The following CYLC2 variants were observed in gnomAD, a reference collection of about 807,000 sequenced individuals.
The protein encoded by CYLC2 is cylicin 2, also known as cylicin-2.
Under a neutral mutation model 26.1 loss-of-function variants are expected in CYLC2, and 30 were observed. That is an observed-to-expected ratio of 1.15 (90% CI 0.86 to 1.56). CYLC2 has a LOEUF of 1.56. CYLC2 is among the 40% of genes most tolerant of loss of function. CYLC2 has a pLI of 0.00. For synonymous variants in CYLC2, 158 were observed against 132.8 expected (o/e 1.19, Z -1.31); for missense variants, 498 against 394.4 (o/e 1.26, Z -2.23).
In CYLC2 at chr9:103,014,285, TATAC is replaced by T. The variant is rs1829461220; in HGVS notation, c.*816+2192_*816+2195del. ...ATATTACATTAAATATATTACATAG[TATAC>T]ATAATATTACATATATATTACATTG... On this transcript the variant is annotated intron_variant, in intron 6 of 7. Transcript: ENST00000374798. Among the ~76,000 whole-genome samples, 3 of 131,872 alleles carry T rather than the reference TATAC, an allele frequency of 2.3e-5. No homozygotes were observed. The Admixed American group carries it at 2.5e-4, about 11-fold the overall frequency. 86.5% of individuals were successfully genotyped at this position (131,872 alleles called of 152,430 possible).
chr9:103,014,753 C>CATAAT (rs542979179), intron 6 of CYLC2, among the ~76,000 whole-genome samples: 3 of 26,130 alleles, frequency 1.1e-4, no homozygotes, highest in Non-Finnish European at 2.1e-4. Flanking sequence ...ATGCAATATA[C>CATAAT]ATATGTAATA....
chr9:103,008,906 C>G (rs903852053), intron 5 of CYLC2, among the ~76,000 whole-genome samples: 1 of 152,102 alleles, frequency 6.6e-6, no homozygotes, highest in Non-Finnish European at 1.5e-5. Context: ...TTGGTCAAAG[C>G]TTTCTAGTGT....
intron 5 of CYLC2, among the ~76,000 whole-genome samples, chr9:103,011,146 A>G (rs948852088): frequency 6.6e-6 from 1 of 152,126 alleles, no homozygotes; most frequent in Non-Finnish European, 1.5e-5. Flanking sequence ...TTGAAACAGT[A>G]CATACATGCA....
chr9:103,013,401 A>T (rs1439208233), intron 6 of CYLC2, among the ~76,000 whole-genome samples: 16 of 107,414 alleles, frequency 1.5e-4, no homozygotes, highest in African/African-American at 6.2e-4. Context: ...TATTATATAA[A>T]TATATATTTA....
intron 1 of CYLC2, among the ~76,000 whole-genome samples, chr9:102,997,684 C>G (rs911320175): frequency 6.6e-6 from 1 of 151,924 alleles, no homozygotes; most frequent in African/African-American, 2.4e-5. Context: ...ATGAACAACT[C>G]ACATGTAACT....
At chr9:103,014,762 TATACGTATGTATATTATGCAATATAC>T (rs1249630455) in intron 6 of CYLC2, among the ~76,000 whole-genome samples, 18 of 21,020 alleles carry the variant, frequency 8.6e-4, no homozygotes, top group East Asian at 0.083. Context: ...ACATATGTAA[TATACGTATGTATATTATGCAATATAC>T]ATATGTAATA....
intron 5 of CYLC2, among the ~76,000 whole-genome samples, chr9:103,009,766 A>C (rs911907620): frequency 1.3e-4 from 20 of 151,866 alleles, no homozygotes; most frequent in African/African-American, 4.4e-4. Context: ...CTACCTCTAT[A>C]GTTTGTTTTA....
Position 103,005,096 on chromosome 9 carries a change from A to G in CYLC2, c.465A>G (p.Leu155=). Residue 155 remains leucine (L), a synonymous_variant, in exon 5 of 8, where the codon CTA becomes CTG. Coordinates refer to ENST00000374798, the MANE Select transcript of CYLC2 (RefSeq NM_001340.5). ...TAGAGAAAGGAAAAGAAGAAAAGCT[A>G]GATGCAAAGAAAGATAGCAAAAAAG... ...KDIEKGKEEK[L]DAKKDSKKGK... is the part of the protein sequence containing the mutation. 6.2e-7 allele frequency: 1 copy of G among 1,606,816 alleles called. No homozygotes were observed. Among genetic ancestry groups the G allele is most frequent in the Non-Finnish European group, 8.5e-7 (1 of 1,177,126 alleles).
chr9:103,005,396 T>G lies in CYLC2; in HGVS notation c.765T>G (p.Asp255Glu). ...EDGKKDANKGDESKDAKKDAK... is the reference protein window; with the variant it reads ...EDGKKDANKGEESKDAKKDAK... ...GAAAAAAAGATGCAAACAAAGGTGATGAATCGAAGGATGCCAAGAAAGATG... is the reference window on the plus strand; with the variant it reads ...GAAAAAAAGATGCAAACAAAGGTGAGGAATCGAAGGATGCCAAGAAAGATG... The change falls in exon 5 of 8, where the codon GAT becomes GAG. Residue 255 changes from aspartate (D) to glutamate (E), a missense_variant. By Grantham distance (45) the Asp-to-Glu change is conservative (BLOSUM62 2). Transcript: ENST00000374798. 4.3e-6 allele frequency: 7 copies of G among 1,613,824 alleles called. No individual in the cohort carries two copies. The highest frequency in any genetic ancestry group is 5.9e-6 in the Non-Finnish European group (7 of 1,179,952).
chr9:102,999,329 C>T (rs1471396759), intron 1 of CYLC2, among the ~76,000 whole-genome samples: 1 of 151,794 alleles, frequency 6.6e-6, no homozygotes, highest in Non-Finnish European at 1.5e-5. Flanking sequence ...TCATTAAACT[C>T]TGTATCATAT....
chr9:102,995,950 A>T (rs1034837868), intron 1 of CYLC2, among the ~76,000 whole-genome samples: 3 of 151,922 alleles, frequency 2.0e-5, no homozygotes, highest in African/African-American at 7.2e-5. Flanking sequence ...ATGAGAAGTT[A>T]TATGACAGTA....
intron 5 of CYLC2, among the ~76,000 whole-genome samples, chr9:103,008,545 G>C (rs918024588): frequency 1.3e-5 from 2 of 151,892 alleles, no homozygotes; most frequent in African/African-American, 4.8e-5. Context: ...ATCCCAAAGA[G>C]AACTGTTGAC....
chr9:103,004,029 A>T (rs1386651942), intron 3 of CYLC2, among the ~76,000 whole-genome samples: 6 of 152,000 alleles, frequency 3.9e-5, no homozygotes, highest in Non-Finnish European at 8.8e-5. Context: ...TGCTGAATTT[A>T]TTTTTCCATT....
intron 2 of CYLC2, among the ~76,000 whole-genome samples, chr9:103,002,691 G>C (rs1829301187): frequency 1.3e-5 from 2 of 152,040 alleles, no homozygotes; most frequent in South Asian, 4.1e-4. Context: ...TACTAACTAA[G>C]GGGATCTTAA....
Position 103,011,981 on chromosome 9 carries a change from G to A in CYLC2, c.*701-1G>A, listed in dbSNP as rs537258596. ...TTTTTTTTTTTTTTTTTTTGATCGA[G>A]TCTCGCTCTGTTGCCCTGGCTGGAG... is the stretch of plus-strand genomic sequence containing the variant. On this transcript the variant is annotated splice_acceptor_variant, in intron 5 of 7. Coordinates refer to ENST00000374798, the MANE Select transcript of CYLC2 (RefSeq NM_001340.5). LOFTEE classifies it low-confidence loss of function (3UTR_SPLICE). 1.0e-5 allele frequency: 1 copy of A among 97,304 alleles called. No individual in the cohort carries two copies. The highest frequency in any genetic ancestry group is 4.1e-5 in the African/African-American group (1 of 24,356). 6.0% of individuals were successfully genotyped at this position (97,304 alleles called of 1,614,324 possible). A position where few individuals can be genotyped will look rare whatever the true frequency, so the allele number is the denominator to read the frequency against.
Position 103,004,809 on chromosome 9 carries a change from C to A in CYLC2, c.295C>A (p.Leu99Ile), listed in dbSNP as rs139628328. ...TTATTTAGCTGCCAGGAGGCAGCCT[C>A]TCAAACCAACTCGTACTGTCGAGGT... ...SVYLAARRQP[L>I]KPTRTVEVDS... The change falls in exon 4 of 8, where the codon CTC (leucine) becomes ATC (isoleucine). Residue 99 changes from leucine (L) to isoleucine (I), a missense_variant. Leu to Ile is a conservative substitution (Grantham distance 5). Transcript: ENST00000374798. 7,099 of 1,612,526 alleles carry A rather than the reference C, an allele frequency of 4.4e-3. 24 individuals are homozygous for A. Among genetic ancestry groups the A allele is most frequent in the Non-Finnish European group, 5.5e-3 (6,466 of 1,179,556 alleles).
chr9:103,004,521 A>G (rs1829318774), intron 3 of CYLC2, among the ~76,000 whole-genome samples, 174 bp from the exon 4 acceptor site: 1 of 152,144 alleles, frequency 6.6e-6, no homozygotes, highest in Non-Finnish European at 1.5e-5. Context: ...TCACTAGTTT[A>G]AAAAAAGGAT....
At chr9:103,011,067 A>G (rs1006661680) in intron 5 of CYLC2, among the ~76,000 whole-genome samples, 2 of 152,128 alleles carry the variant, frequency 1.3e-5, no homozygotes, top group Admixed American at 1.3e-4. Context: ...AATGATTACT[A>G]ATGTTCTCTA....
At chr9:103,015,401 T>C (rs1357884623) in intron 6 of CYLC2, among the ~76,000 whole-genome samples, 1 of 134,572 alleles carries the variant, frequency 7.4e-6, no homozygotes, top group African/African-American at 2.7e-5. Flanking sequence ...ATATATATGC[T>C]TATTATATAT....
Sources: allele counts gnomAD v4.1 joint callset (sites outside exome capture counted in the v4.1 genomes callset), GRCh38; gene constraint gnomAD v4.1.1; transcripts MANE v1.5; gene names NCBI Gene and HGNC (gene_info 2026-07-23, HGNC 2026-07-21).